STAG1: variants seen among roughly 807,000 people sequenced by gnomAD.
The protein encoded by STAG1 is STAG1 cohesin complex component.
In STAG1, 26 loss-of-function variants were observed where a neutral mutation model predicts 170.9. That is an observed-to-expected ratio of 0.15 (90% CI 0.11 to 0.21). The LOEUF (loss-of-function observed/expected upper bound fraction) is 0.21. Ranked by LOEUF, STAG1 falls within the 10% of genes least tolerant of loss-of-function variation. The pLI is 1.00. For synonymous variants in STAG1, 514 were observed against 497.7 expected, an observed-to-expected ratio of 1.03 and a Z score of -0.44; for missense variants, 964 against 1,509.5, an observed-to-expected ratio of 0.64 and a Z score of 5.99.
chr3:136,461,090 T>C (rs576397218), intron 13 of STAG1, among the ~76,000 whole-genome samples: 53 of 152,322 alleles, frequency 3.5e-4, no homozygotes, highest in African/African-American at 1.0e-3. Context: ...AAAACTCATA[T>C]GACCCTCTCA....
chr3:136,679,285 T>C (rs1217744913), intron 1 of STAG1, among the ~76,000 whole-genome samples: 1 of 151,828 alleles, frequency 6.6e-6, no homozygotes, highest in Admixed American at 6.6e-5. Context: ...CCCACAGAAA[T>C]AAAAGCAGCA....
Position 136,568,876 on chromosome 3 carries a change from T to A in STAG1, c.298-15A>T. On this transcript the variant is annotated splice_polypyrimidine_tract_variant and intron_variant, in intron 4 of 33. Transcript: ENST00000383202. Reference sequence around the variant, plus strand: ...TCCACCACGGACTGTGGAAAAAAAATATAAAAATGAAAACTTCAAAAAAAT... The same window carrying A: ...TCCACCACGGACTGTGGAAAAAAAAAATAAAAATGAAAACTTCAAAAAAAT... 1.3e-6 allele frequency: 2 copies of A among 1,571,078 alleles called. No individual in the cohort carries two copies. Among genetic ancestry groups the A allele is most frequent in the African/African-American group, 1.4e-5 (1 of 73,340 alleles).
intron 29 of STAG1, among the ~76,000 whole-genome samples, chr3:136,344,683 G>A (rs970461038): frequency 6.6e-6 from 1 of 151,772 alleles, no homozygotes; most frequent in Non-Finnish European, 1.5e-5. Context: ...GCGTGATCTC[G>A]GCTCACTGCA....
intron 28 of STAG1, among the ~76,000 whole-genome samples, chr3:136,355,327 G>C (rs1936607732): frequency 7.6e-6 from 1 of 131,858 alleles, no homozygotes; most frequent in Non-Finnish European, 1.5e-5. Flanking sequence ...ACTCCAGCCT[G>C]GGTATCAGAG....
At chr3:136,701,221 T>C (rs574423021) in intron 1 of STAG1, among the ~76,000 whole-genome samples, 47 of 152,256 alleles carry the variant, frequency 3.1e-4, no homozygotes, top group African/African-American at 9.6e-4. Context: ...AATCCCTACC[T>C]TGATTTAGTG....
intron 6 of STAG1, among the ~76,000 whole-genome samples, chr3:136,532,008 G>A (rs189889673): frequency 1.7e-4 from 26 of 150,538 alleles, no homozygotes; most frequent in Admixed American, 5.3e-4. Context: ...AAAATTAACA[G>A]CAGAAAAGAA....
rs1216698483 is a variant in STAG1 at position 136,498,278 on chromosome 3, C to CACAT, written c.902+1944_902+1945insATGT. ...CACACACACACACACACACACCACACACACATACACACACACACACACACA... is the reference window on the plus strand; with the variant it reads ...CACACACACACACACACACACCACACACATACACATACACACACACACACACACA... On this transcript the variant is annotated intron_variant, in intron 9 of 33. Coordinates refer to ENST00000383202, the MANE Select transcript of STAG1 (RefSeq NM_005862.3). Among the ~76,000 whole-genome samples, 115 of 100,876 alleles carry CACAT rather than the reference C, an allele frequency of 1.1e-3. 2 individuals are homozygous for CACAT. In the East Asian group the frequency reaches 0.035, roughly 31 times the overall value. The allele number at this position is 100,876 out of a possible 152,430, so 66.2% of individuals were successfully genotyped here. A position where few individuals can be genotyped will look rare whatever the true frequency, so the allele number is the denominator to read the frequency against.
At chr3:136,573,968 G>A (rs1325470540) in intron 4 of STAG1, among the ~76,000 whole-genome samples, 1 of 151,322 alleles carries the variant, frequency 6.6e-6, no homozygotes, top group Non-Finnish European at 1.5e-5. Flanking sequence ...GAGACGCTGG[G>A]TGCAGTGGCT....
chr3:136,590,972 G>A (rs1414256017), intron 4 of STAG1, among the ~76,000 whole-genome samples: 3 of 151,312 alleles, frequency 2.0e-5, no homozygotes, highest in Non-Finnish European at 4.4e-5. Flanking sequence ...AAGCTGTATT[G>A]GTTTTGGTTG....
At chr3:136,719,603 ATGGGTGGGTGGGTAGG>A (rs1933088786) in intron 1 of STAG1, among the ~76,000 whole-genome samples, 3 of 120,760 alleles carry the variant, frequency 2.5e-5, no homozygotes, top group Admixed American at 9.5e-5. Context: ...GGGTGGATGG[ATGGGTGGGTGGGTAGG>A]TGGGTGGCTG....
At chr3:136,486,194 A>G (rs1447756659) in intron 9 of STAG1, among the ~76,000 whole-genome samples, 1 of 152,236 alleles carries the variant, frequency 6.6e-6, no homozygotes, top group Non-Finnish European at 1.5e-5. Flanking sequence ...GACATAGTCA[A>G]CAACATCTGT....
intron 1 of STAG1, among the ~76,000 whole-genome samples, chr3:136,672,949 A>T (rs191087682): frequency 7.9e-5 from 12 of 152,348 alleles, no homozygotes; most frequent in Admixed American, 3.3e-4. Flanking sequence ...AATGAAGAAC[A>T]GGTGACTCCC....
chr3:136,696,937 G>A (rs1012032711), intron 1 of STAG1, among the ~76,000 whole-genome samples: 2 of 152,138 alleles, frequency 1.3e-5, no homozygotes, highest in African/African-American at 4.8e-5. Flanking sequence ...TGATTCTGTT[G>A]ATGGTTGCAC....
intron 28 of STAG1, among the ~76,000 whole-genome samples, chr3:136,357,049 G>A (rs1290348489): frequency 3.3e-5 from 5 of 151,932 alleles, no homozygotes; most frequent in Non-Finnish European, 5.9e-5. Flanking sequence ...CCAGGTTCAC[G>A]CCATCCTCCT....
At chr3:136,392,765 CAAAAAAAAAAA>C (rs71157377) in intron 22 of STAG1, among the ~76,000 whole-genome samples, 1 of 93,560 alleles carries the variant, frequency 1.1e-5, no homozygotes, top group Non-Finnish European at 2.1e-5. Context: ...GGCTCCGTCT[CAAAAAAAAAAA>C]AAAAAAAAAG....
chr3:136,623,450 A>G (rs773447605), intron 2 of STAG1, among the ~76,000 whole-genome samples: 9 of 152,206 alleles, frequency 5.9e-5, no homozygotes, highest in Non-Finnish European at 1.3e-4. Flanking sequence ...CCCCAAATAA[A>G]GAGGGAAATG....
chr3:136,447,670 G>C (rs996760077), intron 14 of STAG1, among the ~76,000 whole-genome samples: 2 of 132,606 alleles, frequency 1.5e-5, no homozygotes, highest in Non-Finnish European at 3.1e-5. Flanking sequence ...GCAGTGGTGC[G>C]ATCTCGGCTC....
chr3:136,741,079 G>A (rs1429977493), intron 1 of STAG1, among the ~76,000 whole-genome samples: 4 of 152,154 alleles, frequency 2.6e-5, no homozygotes, highest in Non-Finnish European at 2.9e-5. Context: ...ATCTTTTCAG[G>A]ATAGTTATAT....
intron 29 of STAG1, among the ~76,000 whole-genome samples, chr3:136,345,115 A>G (rs1379012531): frequency 6.6e-6 from 1 of 151,916 alleles, no homozygotes; most frequent in Non-Finnish European, 1.5e-5. Context: ...TTTTTGAGAC[A>G]GCGTCTCACT....
Sources: gnomAD v4.1 joint callset for allele counts (sites outside exome capture counted in the v4.1 genomes callset) on GRCh38, gnomAD v4.1.1 for gene constraint, MANE v1.5 for transcripts, NCBI Gene and HGNC (gene_info 2026-07-23, HGNC 2026-07-21) for gene names.